ATG7: variants seen among roughly 807,000 people sequenced by gnomAD.
The protein encoded by ATG7 is autophagy related 7, also known as ubiquitin-like modifier-activating enzyme ATG7.
A neutral mutation model predicts 82.4 loss-of-function variants in ATG7; 70 were observed. The observed-to-expected ratio is 0.85, with a 90% CI of 0.70 to 1.04. The LOEUF (loss-of-function observed/expected upper bound fraction) is 1.04, where lower values mean the gene tolerates loss of function less well. Ranked by LOEUF, ATG7 falls within the 50% of genes least tolerant of loss-of-function variation. The pLI is 0.00. For synonymous variants in ATG7, 287 were observed against 313.0 expected, an observed-to-expected ratio of 0.92 and a Z score of 0.88; for missense variants, 792 against 864.3, an observed-to-expected ratio of 0.92 and a Z score of 1.05.
chr3:11,358,325 A>T, intron 14 of ATG7, 93 bp from the exon 15 acceptor site: 2 of 1,291,226 alleles, frequency 1.5e-6, no homozygotes, highest in Non-Finnish European at 2.2e-6. Flanking sequence ...GTATGTGAAC[A>T]CAAGTAAGTG....
chr3:11,440,653 G>A (rs2152967457), intron 20 of ATG7, among the ~76,000 whole-genome samples: 1 of 136,974 alleles, frequency 7.3e-6, no homozygotes, highest in Admixed American at 7.8e-5. Flanking sequence ...TACAATTTAG[G>A]GAAGAGTTGG....
At chr3:11,326,924 C>A (rs1191826941) in intron 9 of ATG7, among the ~76,000 whole-genome samples, 1 of 152,066 alleles carries the variant, frequency 6.6e-6, no homozygotes, top group East Asian at 1.9e-4. Flanking sequence ...GCCATGAGAC[C>A]CTGTAATGTT....
At chr3:11,293,099 A>G (rs1038540046) in intron 3 of ATG7, among the ~76,000 whole-genome samples, 2 of 152,216 alleles carry the variant, frequency 1.3e-5, no homozygotes, top group African/African-American at 4.8e-5. Flanking sequence ...TATATGTTGA[A>G]TTTTGGATTT....
At chr3:11,515,429 G>A (rs1464245127) in intron 20 of ATG7, among the ~76,000 whole-genome samples, 2 of 152,234 alleles carry the variant, frequency 1.3e-5, no homozygotes, top group East Asian at 1.9e-4. Context: ...TCAGCCACCT[G>A]AGTAGCTGGG....
the ATG7 span, among the ~76,000 whole-genome samples, chr3:11,570,532 G>A: frequency 8.5e-5 from 13 of 152,268 alleles, no homozygotes; most frequent in Admixed American, 2.6e-4. Flanking sequence ...GGCTCCGCAC[G>A]GGTGACCACA....
At chr3:11,440,270 A>G (rs1183119853) in intron 20 of ATG7, among the ~76,000 whole-genome samples, 1 of 149,472 alleles carries the variant, frequency 6.7e-6, no homozygotes, top group East Asian at 2.0e-4. Flanking sequence ...ATCCCAACTT[A>G]CCATTGGGAA....
chr3:11,448,816 A>G (rs1236955533), intron 20 of ATG7, among the ~76,000 whole-genome samples: 2 of 152,132 alleles, frequency 1.3e-5, no homozygotes, highest in Non-Finnish European at 2.9e-5. Flanking sequence ...ATATGAATGG[A>G]GCCTCCTAGT....
intron 19 of ATG7, among the ~76,000 whole-genome samples, chr3:11,415,605 A>G (rs994564265): frequency 1.3e-5 from 2 of 152,216 alleles, no homozygotes; most frequent in South Asian, 2.1e-4. Flanking sequence ...GACACAACAT[A>G]CACATTAGCC....
At chr3:11,521,226 C>T (rs923716831) in intron 20 of ATG7, among the ~76,000 whole-genome samples, 10 of 152,122 alleles carry the variant, frequency 6.6e-5, no homozygotes, top group Non-Finnish European at 1.5e-4. Flanking sequence ...TTGAGAAGGC[C>T]AGTGCCACAG....
At chr3:11,540,785 A>G (rs1294483458) in intron 20 of ATG7, among the ~76,000 whole-genome samples, 1 of 152,034 alleles carries the variant, frequency 6.6e-6, no homozygotes, top group Non-Finnish European at 1.5e-5. Context: ...TCTGAAGTTC[A>G]GTTAATAATT....
intron 19 of ATG7, among the ~76,000 whole-genome samples, chr3:11,420,360 T>C (rs931789291): frequency 6.6e-6 from 1 of 152,218 alleles, no homozygotes; most frequent in African/African-American, 2.4e-5. Context: ...TTTTGTTTTT[T>C]TCATTCTGCC....
chr3:11,482,646 C>T (rs935155982), intron 20 of ATG7, among the ~76,000 whole-genome samples: 12 of 151,794 alleles, frequency 7.9e-5, no homozygotes, highest in African/African-American at 2.2e-4. Flanking sequence ...TCAGCCTCCC[C>T]GAATTTATAG....
intron 14 of ATG7, among the ~76,000 whole-genome samples, chr3:11,348,905 A>G (rs991660587): frequency 3.3e-5 from 5 of 152,060 alleles, no homozygotes; most frequent in African/African-American, 1.2e-4. Flanking sequence ...CTAGACATAG[A>G]GCGCTGATTG....
intron 20 of ATG7, among the ~76,000 whole-genome samples, chr3:11,440,872 T>C (rs1413747024): frequency 1.3e-5 from 2 of 151,060 alleles, no homozygotes; most frequent in African/African-American, 4.9e-5. Context: ...TTAGTAGAGA[T>C]GGGGTTTTGC....
intron 19 of ATG7, among the ~76,000 whole-genome samples, chr3:11,423,755 G>A (rs1471401663): frequency 1.3e-5 from 2 of 151,978 alleles, no homozygotes; most frequent in African/African-American, 4.8e-5. Context: ...CTAACAGCCT[G>A]CAGGTCTTTT....
At chr3:11,361,901 T>C (rs2076308721) in intron 16 of ATG7, among the ~76,000 whole-genome samples, 1 of 152,218 alleles carries the variant, frequency 6.6e-6, no homozygotes, top group African/African-American at 2.4e-5. Flanking sequence ...CAGAGATGTT[T>C]TCTGTAACCT....
chr3:11,318,389 A>G (rs1949735719), intron 9 of ATG7, among the ~76,000 whole-genome samples: 1 of 152,222 alleles, frequency 6.6e-6, no homozygotes, highest in Non-Finnish European at 1.5e-5. Context: ...AAGTAATGGA[A>G]GATAAGTTCA....
intron 20 of ATG7, among the ~76,000 whole-genome samples, chr3:11,493,002 C>A (rs2090512193): frequency 6.6e-6 from 1 of 152,254 alleles, no homozygotes; most frequent in African/African-American, 2.4e-5. Flanking sequence ...GGGGCAGATG[C>A]CCTCCACCAG....
chr3:11,503,537 T>C (rs1480412549), intron 20 of ATG7, among the ~76,000 whole-genome samples: 1 of 151,870 alleles, frequency 6.6e-6, no homozygotes, highest in Non-Finnish European at 1.5e-5. Flanking sequence ...GGTGGGCAGA[T>C]CACGAAGTCA....
Sources: gnomAD v4.1 joint callset for allele counts (sites outside exome capture counted in the v4.1 genomes callset) on GRCh38, gnomAD v4.1.1 for gene constraint, MANE v1.5 for transcripts, NCBI Gene and HGNC (gene_info 2026-07-23, HGNC 2026-07-21) for gene names.